Variants in BRD4 observed in about 807,000 individuals in gnomAD.
BRD4 encodes the protein bromodomain-containing protein 4.
BRD4 carries 16 observed loss-of-function variants against 142.1 expected under a neutral mutation model. The observed-to-expected ratio is 0.11, with a 90% CI of 0.08 to 0.17. The LOEUF (loss-of-function observed/expected upper bound fraction) is 0.17. Ranked by LOEUF, BRD4 falls within the 10% of genes least tolerant of loss-of-function variation. BRD4 has a pLI of 1.00. For synonymous variants in BRD4, 833 were observed against 707.5 expected (o/e 1.18, Z -2.82); for missense variants, 1,424 against 1,810.9 (o/e 0.79, Z 3.88).
intron 11 of BRD4, 34 bp downstream of exon 11, chr19:15,254,117 GT>G (rs2047380095): frequency 6.4e-7 from 1 of 1,574,798 alleles, no homozygotes; most frequent in African/African-American, 1.3e-5. Flanking sequence ...GGTGGGAAGA[GT>G]TTGGTAAGAC....
At chr19:15,325,184 A>T (rs955881148) in intron 1 of BRD4, among the ~76,000 whole-genome samples, 2 of 152,184 alleles carry the variant, frequency 1.3e-5, no homozygotes, top group Non-Finnish European at 2.9e-5. Context: ...TTTTAACCTC[A>T]TCTGAAAGAT....
At chr19:15,251,509 T>C (rs930298724) in intron 11 of BRD4, among the ~76,000 whole-genome samples, 1 of 120,296 alleles carries the variant, frequency 8.3e-6, no homozygotes, top group Non-Finnish European at 1.6e-5. Context: ...AGGGAAATAA[T>C]GTTCCCCCAC....
intron 7 of BRD4, 126 bp downstream of exon 7, chr19:15,263,294 A>T (rs2047494247): frequency 2.4e-6 from 3 of 1,260,952 alleles, no homozygotes; most frequent in Admixed American, 2.3e-5. Context: ...CACTTTTCTA[A>T]AGCAACATGG....
In BRD4 at chr19:15,238,281, C is replaced by T; in HGVS notation, c.*96G>A. 6.4e-7 allele frequency: 1 copy of T among 1,570,114 alleles called. No individual in the cohort carries two copies. The highest frequency in any genetic ancestry group is 8.7e-7 in the Non-Finnish European group (1 of 1,155,104). On this transcript the variant is annotated 3_prime_UTR_variant, in exon 20 of 20. Transcript: ENST00000679869. The surrounding 1 kb of genome is among the most constrained non-coding windows in gnomAD (Gnocchi z 7.2). The stretch of plus-strand genomic sequence containing the variant: ...GCAGGAGGGCCAGGCCCTGAGGCAT[C>T]CCCTGGCCGCTGATCCCACCTCCAC...
Position 15,330,490 on chromosome 19 carries a change from GA to G in BRD4, c.-35+1799del, listed in dbSNP as rs1240813290. Among the ~76,000 whole-genome samples, 13 of 152,318 alleles carry G rather than the reference GA, an allele frequency of 8.5e-5. No homozygotes were observed. In the South Asian group the frequency reaches 2.7e-3, roughly 32 times the overall value. The stretch of plus-strand genomic sequence containing the variant: ...GCTTTATGAAATTATTGGCGGCCGG[GA>G]ACGGTGGCTCATGCCTGTAATCCCA... On this transcript the variant is annotated intron_variant, in intron 1 of 19. Transcript: ENST00000679869.
intron 1 of BRD4, among the ~76,000 whole-genome samples, chr19:15,317,250 T>C (rs1194381987): frequency 6.6e-6 from 1 of 152,184 alleles, no homozygotes; most frequent in Non-Finnish European, 1.5e-5. Context: ...TCTGAGGACT[T>C]AAGGAATGCG....
Position 15,243,178 on chromosome 19 carries a change from GGGTGGGGTGGGGGCGGCA to G in BRD4, c.2873_2890del (p.Leu958_His963del), listed in dbSNP as rs1271663085. 2 of 1,070,424 alleles carry G rather than the reference GGGTGGGGTGGGGGCGGCA, an allele frequency of 1.9e-6. No individual in the cohort carries two copies. Among genetic ancestry groups the G allele is most frequent in the Non-Finnish European group, 2.6e-6 (2 of 775,766 alleles). 66.3% of individuals were successfully genotyped at this position (1,070,424 alleles called of 1,614,324 possible). Reference sequence around the variant, plus strand: ...CTGCTGCAGCTGCTGCTGCACAGAGGGGTGGGGTGGGGGCGGCAGGGGGGGTGGGGGCTGGGACTGCAC... The same window carrying G: ...CTGCTGCAGCTGCTGCTGCACAGAGGGGGGGGGTGGGGGCTGGGACTGCAC... On this transcript the variant is annotated inframe_deletion, in exon 14 of 20. Coordinates refer to ENST00000679869, the MANE Select transcript of BRD4 (RefSeq NM_001379291.1).
rs201586480 is a variant in BRD4, at chr19:15,264,614, G to A, written c.1002C>T (p.Asp334=). The A allele has an allele frequency of 7.7e-5, 125 of 1,613,948 alleles. 1 individual carries two copies. The highest frequency in any genetic ancestry group is 6.7e-5 in the Admixed American group (4 of 60,000). Residue 334 remains aspartate, a synonymous_variant, in exon 6 of 20, where the codon GAC becomes GAT. Coordinates refer to ENST00000679869, the MANE Select transcript of BRD4 (RefSeq NM_001379291.1). ...CTGGGTGCTGCTGAGAGTCGGGCAC[G>A]TCCTTCTTTGGAGGTTTCACAGGCC... ...SSRPVKPPKK[D]VPDSQQHPAP... is the part of the protein sequence containing the mutation.
chr19:15,271,528 G>C (rs1223343849), intron 2 of BRD4, among the ~76,000 whole-genome samples: 1 of 152,064 alleles, frequency 6.6e-6, no homozygotes, highest in Non-Finnish European at 1.5e-5. Flanking sequence ...GCCTCACAAC[G>C]CTCTGGGTTC....
At position 15,251,688 on chromosome 19, in the gene BRD4, T is replaced by C. The variant is rs1009660322; in HGVS notation, c.2158+2464A>G. ...GGACAGGGCAGCAGAAGGCTGTATTTACTGGTGCCAGGGTGTGGGTTCCCA... is the reference window on the plus strand; with the variant it reads ...GGACAGGGCAGCAGAAGGCTGTATTCACTGGTGCCAGGGTGTGGGTTCCCA... On this transcript the variant is annotated intron_variant, in intron 11 of 19. Transcript: ENST00000679869. Among the ~76,000 whole-genome samples the C allele has an allele frequency of 8.5e-5, 13 of 152,282 alleles. No homozygotes were observed. In the South Asian group the frequency reaches 2.7e-3, roughly 32 times the overall value.
At chr19:15,287,240 C>CTT (rs200705352) in intron 1 of BRD4, among the ~76,000 whole-genome samples, 1 of 145,252 alleles carries the variant, frequency 6.9e-6, no homozygotes, top group Non-Finnish European at 1.5e-5. Context: ...TGCCTTTATT[C>CTT]TTTTTTTTTT....
rs1400114496 is a variant in BRD4 at position 15,264,618 on chromosome 19, T to C, written c.998A>G (p.Lys333Arg). The change falls in exon 6 of 20, where the codon AAG (lysine) becomes AGG (arginine). Residue 333 changes from lysine to arginine, a missense_variant. Physicochemically the swap from Lys to Arg is conservative, Grantham distance 26 (BLOSUM62 2). Transcript: ENST00000679869. ...ESSRPVKPPK[K>R]DVPDSQQHPA... ...GTGCTGCTGAGAGTCGGGCACGTCC[T>C]TCTTTGGAGGTTTCACAGGCCGGCT... The C allele has an allele frequency of 6.2e-7, 1 of 1,613,982 alleles. No individual in the cohort carries two copies. Among genetic ancestry groups the C allele is most frequent in the African/African-American group, 1.3e-5 (1 of 74,920 alleles).
intron 11 of BRD4, among the ~76,000 whole-genome samples, chr19:15,249,987 T>C (rs865794557): frequency 6.6e-6 from 1 of 152,212 alleles, no homozygotes; most frequent in Admixed American, 6.5e-5. Context: ...CTTTCCTTTT[T>C]TGGGGTATCC....
rs1458148970 is a variant in BRD4 at position 15,238,528 on chromosome 19, C to T, written c.4021-83G>A. 1.2e-6 allele frequency: 2 copies of T among 1,604,234 alleles called. No individual in the cohort carries two copies. Among genetic ancestry groups the T allele is most frequent in the Admixed American group, 3.4e-5 (2 of 59,466 alleles). On this transcript the variant is annotated intron_variant, in intron 19 of 19. Transcript: ENST00000679869. The surrounding 1 kb of genome is among the most constrained non-coding windows in gnomAD (Gnocchi z 7.2). ...AGCCCTCATACCCGCTACCAGCAGT[C>T]AGCCCCGTAGCCCTCCCCGTGGCTG...
intron 11 of BRD4, chr19:15,249,144 A>G (rs1033169841): frequency 6.9e-7 from 1 of 1,449,382 alleles, no homozygotes; most frequent in Non-Finnish European, 9.5e-7. Context: ...CCCGGGGGAC[A>G]GGCCCAGGGC....
intron 11 of BRD4, chr19:15,248,342 G>C (rs11673209): frequency 4.6e-6 from 1 of 215,622 alleles, no homozygotes; most frequent in Non-Finnish European, 9.3e-6. Context: ...GTTAACACCA[G>C]TCAGAGGTGT....
At position 15,239,664 on chromosome 19, in the gene BRD4, G is replaced by A. The variant is rs1460037331; in HGVS notation, c.3440C>T (p.Pro1147Leu). 6.3e-7 allele frequency: 1 copy of A among 1,582,226 alleles called. No individual in the cohort carries two copies. Among genetic ancestry groups the A allele is most frequent in the Non-Finnish European group, 8.5e-7 (1 of 1,172,640 alleles). The change falls in exon 16 of 20, where the codon CCC becomes CTC. Residue 1147 changes from proline to leucine, a missense_variant. Physicochemically the swap from Pro to Leu is moderately conservative, Grantham distance 98. Transcript: ENST00000679869. The surrounding 1 kb of genome is among the most constrained non-coding windows in gnomAD (Gnocchi z 7.4). ...TGGGCAGGGAGAGCACTCACGCTGG[G>A]GCAGGTGGACGGGGGCCTTGATGCT... ...PESIKAPVHL[P>L]QRPEMKPVDV...
intron 8 of BRD4, among the ~76,000 whole-genome samples, chr19:15,256,688 C>G (rs1455771139): frequency 1.3e-5 from 2 of 152,198 alleles, no homozygotes; most frequent in African/African-American, 4.8e-5. Flanking sequence ...TCAACCTCCT[C>G]CTTCCAGATA....
At chr19:15,331,306 G>A (rs1281382941) in intron 1 of BRD4, among the ~76,000 whole-genome samples, 2 of 152,172 alleles carry the variant, frequency 1.3e-5, no homozygotes, top group East Asian at 1.9e-4. Flanking sequence ...CCCAAGCCTT[G>A]GGGGCATCTC....
Sources: allele counts gnomAD v4.1 joint callset (sites outside exome capture counted in the v4.1 genomes callset), GRCh38; gene constraint gnomAD v4.1.1; non-coding constraint Gnocchi (gnomAD v3.1); transcripts MANE v1.5; gene names NCBI Gene and HGNC (gene_info 2026-07-23, HGNC 2026-07-21).